The following AGMO variants were observed in gnomAD, a reference collection of about 807,000 sequenced individuals.
AGMO encodes glyceryl-ether monooxygenase.
In AGMO, 75 loss-of-function variants were observed where a neutral mutation model predicts 60.2. The observed-to-expected ratio is 1.25, with a 90% CI of 1.03 to 1.51. The LOEUF (loss-of-function observed/expected upper bound fraction) is 1.51. AGMO is among the 40% of genes most tolerant of loss of function. The pLI, the probability that AGMO is intolerant of heterozygous loss-of-function variation, is 0.00. For synonymous variants in AGMO, 261 were observed against 177.1 expected (o/e 1.47, Z -3.76); for missense variants, 763 against 525.5 (o/e 1.45, Z -4.42).
chr7:15,161,427 T>A, the AGMO span, among the ~76,000 whole-genome samples: 5 of 151,714 alleles, frequency 3.3e-5, no homozygotes, highest in East Asian at 7.8e-4. Context: ...TCTCTATATA[T>A]AAATATGTAT....
rs1491326580 is a variant in AGMO, at chr7:15,531,572, CCA to C, written c.409+13198_409+13199del. On this transcript the variant is annotated intron_variant, in intron 3 of 12. Transcript: ENST00000342526. ...TCTATATATATATTCTCTATATATT[CCA>C]TATATATATTCTATATATATTCTAT... Among the ~76,000 whole-genome samples the C allele has an allele frequency of 3.2e-3, 237 of 72,956 alleles. 37 individuals carry two copies. Among genetic ancestry groups the C allele is most frequent in the African/African-American group, 0.011 (221 of 19,710 alleles). 47.9% of individuals were successfully genotyped at this position (72,956 alleles called of 152,430 possible).
At chr7:15,511,258 G>C (rs1198702358) in intron 3 of AGMO, among the ~76,000 whole-genome samples, 1 of 152,014 alleles carries the variant, frequency 6.6e-6, no homozygotes, top group Non-Finnish European at 1.5e-5. Flanking sequence ...ACATGCCAGT[G>C]AACCTAATGA....
intron 12 of AGMO, among the ~76,000 whole-genome samples, chr7:15,294,128 T>C (rs906568165): frequency 3.9e-5 from 6 of 152,112 alleles, no homozygotes; most frequent in Admixed American, 3.3e-4. Flanking sequence ...TTTCAAACTA[T>C]GTGCCAAGAA....
intron 12 of AGMO, among the ~76,000 whole-genome samples, chr7:15,327,035 TATA>T (rs1781358538): frequency 6.6e-6 from 1 of 152,134 alleles, no homozygotes; most frequent in African/African-American, 2.4e-5. Context: ...GTTCATAACA[TATA>T]ATATTTGTAA....
At chr7:15,419,416 A>C (rs1486350903) in intron 4 of AGMO, among the ~76,000 whole-genome samples, 1 of 152,020 alleles carries the variant, frequency 6.6e-6, no homozygotes, top group Non-Finnish European at 1.5e-5. Flanking sequence ...GAGACTAAAT[A>C]ACCAAATGAG....
chr7:15,191,358 C>G, the AGMO span, among the ~76,000 whole-genome samples: 9 of 152,110 alleles, frequency 5.9e-5, no homozygotes, highest in Non-Finnish European at 1.3e-4. Flanking sequence ...TGCACATAAT[C>G]CCCCTAGGAA....
intron 12 of AGMO, among the ~76,000 whole-genome samples, chr7:15,308,052 T>C (rs1336844001): frequency 6.6e-6 from 1 of 152,078 alleles, no homozygotes; most frequent in Non-Finnish European, 1.5e-5. Flanking sequence ...TTGCTGGTCC[T>C]CACTACACCC....
chr7:15,235,604 T>G (rs1045686346), intron 12 of AGMO, among the ~76,000 whole-genome samples: 1 of 152,126 alleles, frequency 6.6e-6, no homozygotes, highest in African/African-American at 2.4e-5. Flanking sequence ...TCTGATTCAT[T>G]TTGTATTTTA....
intron 12 of AGMO, among the ~76,000 whole-genome samples, chr7:15,250,715 G>A (rs1390258910): frequency 6.6e-6 from 1 of 152,086 alleles, no homozygotes; most frequent in Admixed American, 6.5e-5. Flanking sequence ...TGAGGCAGGT[G>A]GATCACCTGA....
At chr7:15,205,169 G>A (rs1781408907) in intron 12 of AGMO, among the ~76,000 whole-genome samples, 1 of 152,112 alleles carries the variant, frequency 6.6e-6, no homozygotes, top group Non-Finnish European at 1.5e-5. Flanking sequence ...GTCTCTTCTG[G>A]TTTTAATACA....
chr7:15,239,851 G>A (rs1007704356), intron 12 of AGMO, among the ~76,000 whole-genome samples: 7 of 152,058 alleles, frequency 4.6e-5, no homozygotes, highest in South Asian at 2.1e-4. Flanking sequence ...GAGCCTCACC[G>A]GTTTTCAGCC....
the AGMO span, among the ~76,000 whole-genome samples, chr7:15,118,307 G>C: frequency 6.6e-6 from 1 of 151,692 alleles, no homozygotes; most frequent in Non-Finnish European, 1.5e-5. Context: ...TCAAAAATCA[G>C]ATATTGACCA....
rs532602071 is a variant in AGMO, at chr7:15,366,011, T to C, written c.1157+129A>G. On this transcript the variant is annotated intron_variant, in intron 11 of 12. Coordinates refer to ENST00000342526, the MANE Select transcript of AGMO (RefSeq NM_001004320.2). ...TTAACTTCTCTAAAATAATGAGAAG[T>C]CAAATACCAAAATTTTATATTTATT... The C allele has an allele frequency of 1.0e-4, 67 of 655,144 alleles. No individual in the cohort carries two copies. The East Asian group carries it at 1.7e-3, about 16-fold the overall frequency. The allele number at this position is 655,144 out of a possible 1,614,324, so 40.6% of individuals were successfully genotyped here.
chr7:15,201,235 T>C lies in AGMO; in HGVS notation c.*50A>G. 1 of 1,228,610 alleles carries C rather than the reference T, an allele frequency of 8.1e-7. No homozygotes were observed. The highest frequency in any genetic ancestry group is 1.2e-6 in the Non-Finnish European group (1 of 858,686). The allele number at this position is 1,228,610 out of a possible 1,614,324, so 76.1% of individuals were successfully genotyped here. A position where few individuals can be genotyped will look rare whatever the true frequency, so the allele number is the denominator to read the frequency against. ...ATTACATTTTAATATGCAGTCATAA[T>C]ATGCGTGTGGACAACTCATTAAAAG... On this transcript the variant is annotated 3_prime_UTR_variant, in exon 13 of 13. Transcript: ENST00000342526.
At chr7:15,121,288 G>A in the AGMO span, among the ~76,000 whole-genome samples, 3 of 152,142 alleles carry the variant, frequency 2.0e-5, no homozygotes, top group African/African-American at 7.2e-5. Flanking sequence ...ACATACATGT[G>A]CATGTGTCTT....
At chr7:15,531,185 A>ATATATATTCTC (rs1562556793) in intron 3 of AGMO, among the ~76,000 whole-genome samples, 2 of 88,036 alleles carry the variant, frequency 2.3e-5, no homozygotes, top group African/African-American at 1.1e-4. Flanking sequence ...TATATATTCT[A>ATATATATTCTC]TATATATTCT....
At position 15,360,092 on chromosome 7, in the gene AGMO, T is replaced by A. The variant is rs139814395; in HGVS notation, c.1263+5422A>T. ...GCACGCACATTTACAGACATTATTA[T>A]AAGTACTTTTTGTATGTATAATCTT... is the stretch of plus-strand genomic sequence containing the variant. On this transcript the variant is annotated intron_variant, in intron 12 of 12. Coordinates refer to ENST00000342526, the MANE Select transcript of AGMO (RefSeq NM_001004320.2). Among the ~76,000 whole-genome samples the A allele has an allele frequency of 5.0e-3, 767 of 152,324 alleles. 10 individuals are homozygous for A. The highest frequency in any genetic ancestry group is 0.017 in the African/African-American group (723 of 41,566).
At chr7:15,165,036 T>G in the AGMO span, among the ~76,000 whole-genome samples, 1 of 152,120 alleles carries the variant, frequency 6.6e-6, no homozygotes. Flanking sequence ...ACGCATACAC[T>G]ATGGAATACT....
chr7:15,309,768 C>G (rs892597870), intron 12 of AGMO, among the ~76,000 whole-genome samples: 1 of 151,896 alleles, frequency 6.6e-6, no homozygotes, highest in Admixed American at 6.6e-5. Flanking sequence ...AAATAAAGCC[C>G]AGAGAAGTTA....
Sources: gnomAD v4.1 joint callset for allele counts (sites outside exome capture counted in the v4.1 genomes callset) on GRCh38, gnomAD v4.1.1 for gene constraint, MANE v1.5 for transcripts, NCBI Gene and HGNC (gene_info 2026-07-23, HGNC 2026-07-21) for gene names.